HECW2: variants seen among roughly 807,000 people sequenced by gnomAD.
The protein encoded by HECW2 is E3 ubiquitin-protein ligase HECW2.
Under a neutral mutation model 175.2 loss-of-function variants are expected in HECW2, and 61 were observed. The observed-to-expected ratio is 0.35, with a 90% CI of 0.28 to 0.43. The LOEUF (loss-of-function observed/expected upper bound fraction) is 0.43. Among genes scored for constraint, HECW2 ranks in the 20% least tolerant of loss-of-function variants. HECW2 has a pLI of 1.00. For missense variants in HECW2, 1,524 were observed against 2,000.5 expected (o/e 0.76, Z 4.54); for synonymous variants, 671 against 731.0 (o/e 0.92, Z 1.32).
chr2:196,390,633 C>T (rs13026474), intron 2 of HECW2, among the ~76,000 whole-genome samples: 4,328 of 152,212 alleles, frequency 0.028, 103 homozygotes, highest in South Asian at 0.067. Flanking sequence ...GTTTAGCCTC[C>T]TAAGGGAAAA....
intron 1 of HECW2, among the ~76,000 whole-genome samples, chr2:196,535,161 G>C (rs973427200): frequency 6.6e-6 from 1 of 151,984 alleles, no homozygotes; most frequent in Non-Finnish European, 1.5e-5. Flanking sequence ...TCCCATAAGA[G>C]AGAAAAATAG....
chr2:196,551,732 T>A (rs1689608588), intron 1 of HECW2, among the ~76,000 whole-genome samples: 1 of 152,230 alleles, frequency 6.6e-6, no homozygotes, highest in African/African-American at 2.4e-5. Flanking sequence ...AGCTTAGATG[T>A]ACAATAATTA....
At chr2:196,305,596 C>A (rs188575300) in intron 13 of HECW2, among the ~76,000 whole-genome samples, 66 of 152,242 alleles carry the variant, frequency 4.3e-4, no homozygotes, top group African/African-American at 1.5e-3. Flanking sequence ...ATTCCTTTAA[C>A]AAGTCCCTCA....
At chr2:196,527,079 T>C (rs1377593951) in intron 1 of HECW2, among the ~76,000 whole-genome samples, 13 of 152,330 alleles carry the variant, frequency 8.5e-5, no homozygotes, top group East Asian at 1.9e-4. Flanking sequence ...CCCCCAGCCT[T>C]GCTGCCGCCT....
At chr2:196,247,551 C>A (rs1688693894) in intron 19 of HECW2, among the ~76,000 whole-genome samples, 1 of 152,122 alleles carries the variant, frequency 6.6e-6, no homozygotes, top group Non-Finnish European at 1.5e-5. Context: ...CATGGATAGT[C>A]AGCATTTTGC....
intron 3 of HECW2, among the ~76,000 whole-genome samples, chr2:196,335,433 A>T (rs1236766970): frequency 6.6e-6 from 1 of 152,210 alleles, no homozygotes; most frequent in African/African-American, 2.4e-5. Flanking sequence ...AAGGATGCTG[A>T]TGGGCAGGCC....
chr2:196,476,739 G>T (rs1432130422), intron 1 of HECW2, among the ~76,000 whole-genome samples: 23 of 151,782 alleles, frequency 1.5e-4, no homozygotes, highest in Admixed American at 1.5e-3. Context: ...TATCTAATTT[G>T]GTTACTGATA....
intron 21 of HECW2, among the ~76,000 whole-genome samples, chr2:196,230,862 G>A (rs1030745233): frequency 7.6e-4 from 116 of 152,142 alleles, no homozygotes; most frequent in African/African-American, 2.6e-3. Flanking sequence ...CCAGCACTTT[G>A]GGAAGCTGAG....
chr2:196,541,572 C>G (rs1689215826), intron 1 of HECW2, among the ~76,000 whole-genome samples: 1 of 152,026 alleles, frequency 6.6e-6, no homozygotes, highest in South Asian at 2.1e-4. Context: ...TGCAAGAAAG[C>G]CCAGAGGAAC....
At chr2:196,394,817 C>G (rs1470398845) in intron 2 of HECW2, among the ~76,000 whole-genome samples, 1 of 152,182 alleles carries the variant, frequency 6.6e-6, no homozygotes, top group African/African-American at 2.4e-5. Flanking sequence ...TGAAGTTGGA[C>G]CATGTCTTAG....
At chr2:196,524,278 T>C (rs1480247715) in intron 1 of HECW2, among the ~76,000 whole-genome samples, 1 of 128,136 alleles carries the variant, frequency 7.8e-6, no homozygotes, top group East Asian at 2.0e-4. Context: ...GTGTTTGTAG[T>C]ATTCTCTGAT....
intron 2 of HECW2, among the ~76,000 whole-genome samples, chr2:196,382,733 A>G (rs1205664291): frequency 6.6e-6 from 1 of 152,150 alleles, no homozygotes; most frequent in East Asian, 1.9e-4. Context: ...AAGCATCTAC[A>G]GCAACTGCAT....
chr2:196,533,182 C>A (rs941047421), intron 1 of HECW2, among the ~76,000 whole-genome samples: 1 of 152,152 alleles, frequency 6.6e-6, no homozygotes, highest in African/African-American at 2.4e-5. Flanking sequence ...AGGAATTGGA[C>A]AGCTGATCTT....
chr2:196,562,163 G>A (rs1345969762), intron 1 of HECW2, among the ~76,000 whole-genome samples: 1 of 152,178 alleles, frequency 6.6e-6, no homozygotes, highest in African/African-American at 2.4e-5. Context: ...AATATCCAAA[G>A]ACAATGAATT....
intron 1 of HECW2, among the ~76,000 whole-genome samples, chr2:196,512,373 T>C (rs1426151621): frequency 6.6e-6 from 1 of 152,174 alleles, no homozygotes; most frequent in Non-Finnish European, 1.5e-5. Context: ...AGATGTCACT[T>C]TTTTAACCCT....
intron 2 of HECW2, among the ~76,000 whole-genome samples, chr2:196,402,788 T>C (rs2125209401): frequency 6.7e-6 from 1 of 148,654 alleles, no homozygotes; most frequent in South Asian, 2.1e-4. Flanking sequence ...AACAAACAGA[T>C]TCCTTGCCTT....
At chr2:196,394,831 C>T (rs1031732641) in intron 2 of HECW2, among the ~76,000 whole-genome samples, 3 of 152,156 alleles carry the variant, frequency 2.0e-5, no homozygotes, top group Non-Finnish European at 4.4e-5. Flanking sequence ...GTCTTAGTCC[C>T]TTTGTGTTGC....
At chr2:196,249,251 C>A (rs1688770361) in intron 19 of HECW2, among the ~76,000 whole-genome samples, 2 of 152,130 alleles carry the variant, frequency 1.3e-5, no homozygotes, top group Admixed American at 1.3e-4. Flanking sequence ...GCATAATAAG[C>A]CACATGGTGT....
intron 23 of HECW2, among the ~76,000 whole-genome samples, chr2:196,222,838 G>T (rs61540830): frequency 0.022 from 3,354 of 151,792 alleles, 99 homozygotes; most frequent in African/African-American, 0.074. Flanking sequence ...TTTTATTAAA[G>T]ACATGATTCA....
Sources: allele counts gnomAD v4.1 joint callset (sites outside exome capture counted in the v4.1 genomes callset), GRCh38; gene constraint gnomAD v4.1.1; transcripts MANE v1.5; gene names NCBI Gene and HGNC (gene_info 2026-07-23, HGNC 2026-07-21).